The following ANKS1B variants were observed in gnomAD, a reference collection of about 807,000 sequenced individuals.
The protein encoded by ANKS1B is ankyrin repeat and sterile alpha motif domain-containing protein 1B.
ANKS1B carries 36 observed loss-of-function variants against 148.3 expected under a neutral mutation model. The observed-to-expected ratio is 0.24, with a 90% CI of 0.19 to 0.32. ANKS1B has a LOEUF of 0.32. Among genes scored for constraint, ANKS1B ranks in the 10% least tolerant of loss-of-function variants. The pLI, the probability that ANKS1B is intolerant of heterozygous loss-of-function variation, is 1.00. For synonymous variants in ANKS1B, 542 were observed against 560.8 expected (o/e 0.97, Z 0.47); for missense variants, 1,157 against 1,542.6 (o/e 0.75, Z 4.19).
intron 14 of ANKS1B, chr12:99,154,689 A>T: frequency 2.8e-6 from 4 of 1,436,970 alleles, no homozygotes; most frequent in Non-Finnish European, 3.6e-6. Context: ...CAGGCAGCAG[A>T]AGAAGGCATA....
At chr12:99,056,466 T>G (rs1475273080) in intron 16 of ANKS1B, among the ~76,000 whole-genome samples, 1 of 152,220 alleles carries the variant, frequency 6.6e-6, no homozygotes, top group Non-Finnish European at 1.5e-5. Context: ...CACAATAGCC[T>G]TCTACATGGT....
chr12:98,879,414 G>A (rs1596102843), intron 17 of ANKS1B, among the ~76,000 whole-genome samples: 1 of 152,218 alleles, frequency 6.6e-6, no homozygotes, highest in East Asian at 1.9e-4. Flanking sequence ...GTCATAGAGT[G>A]AGGATGTAAT....
chr12:98,929,033 A>T (rs532907171), intron 17 of ANKS1B, among the ~76,000 whole-genome samples: 2 of 146,890 alleles, frequency 1.4e-5, no homozygotes, highest in South Asian at 4.6e-4. Context: ...TTATATAGAA[A>T]ACCCTAATAC....
At chr12:98,955,941 A>C (rs74993882) in intron 17 of ANKS1B, among the ~76,000 whole-genome samples, 6 of 152,300 alleles carry the variant, frequency 3.9e-5, no homozygotes, top group Non-Finnish European at 7.3e-5. Context: ...CTTTTTGTCT[A>C]CTTCCTCATA....
chr12:98,995,326 C>T (rs766916441), intron 17 of ANKS1B, among the ~76,000 whole-genome samples: 1 of 152,130 alleles, frequency 6.6e-6, no homozygotes, highest in Non-Finnish European at 1.5e-5. Context: ...CATGGTGGTT[C>T]ACGCCTGTAA....
intron 9 of ANKS1B, among the ~76,000 whole-genome samples, chr12:99,525,416 T>G (rs2096917500): frequency 6.6e-6 from 1 of 152,232 alleles, no homozygotes; most frequent in East Asian, 1.9e-4. Context: ...ATAGACAGGT[T>G]ATCAATTTGA....
At chr12:99,760,459 C>T (rs10860516) in intron 8 of ANKS1B, among the ~76,000 whole-genome samples, 27,539 of 151,530 alleles carry the variant, frequency 0.18, 3,129 homozygotes, top group East Asian at 0.54. Context: ...GTTTTGGGTA[C>T]GCAATGAAAT....
In ANKS1B at chr12:99,327,768, GAAGAT is replaced by G. The variant is rs1190724682; in HGVS notation, c.1756+71858_1756+71862del. Among the ~76,000 whole-genome samples the G allele has an allele frequency of 5.3e-5, 8 of 150,994 alleles. No homozygotes were observed. In the Admixed American group the frequency reaches 5.3e-4, roughly 10 times the overall value. ...TTAGTAAAATTAATATCTTTTCATG[GAAGAT>G]AATTTAGAAAAGTATTAAAATGAAT... is the stretch of plus-strand genomic sequence containing the variant. On this transcript the variant is annotated intron_variant, in intron 12 of 26. Transcript: ENST00000683438.
chr12:98,847,315 C>T (rs76014361), intron 17 of ANKS1B, among the ~76,000 whole-genome samples: 3,067 of 152,234 alleles, frequency 0.02, 75 homozygotes, highest in East Asian at 0.089. Context: ...CCTGCTTTTA[C>T]GGGTTTAGCT....
At chr12:99,192,569 T>C (rs1029501421) in intron 14 of ANKS1B, among the ~76,000 whole-genome samples, 1 of 152,160 alleles carries the variant, frequency 6.6e-6, no homozygotes, top group African/African-American at 2.4e-5. Context: ...ATTTTAGAGA[T>C]ATAAAAGGGG....
intron 8 of ANKS1B, among the ~76,000 whole-genome samples, chr12:99,705,714 C>A (rs942363180): frequency 1.3e-5 from 2 of 151,934 alleles, no homozygotes; most frequent in African/African-American, 4.8e-5. Flanking sequence ...AGGAAAGAGG[C>A]AATAAAAATC....
intron 14 of ANKS1B, among the ~76,000 whole-genome samples, chr12:99,207,566 T>C (rs937161485): frequency 1.3e-5 from 2 of 152,104 alleles, no homozygotes; most frequent in Admixed American, 6.6e-5. Context: ...CTAGAAAGTA[T>C]AAAATTTGTA....
At chr12:98,872,304 C>T (rs149294806) in intron 17 of ANKS1B, among the ~76,000 whole-genome samples, 63 of 152,186 alleles carry the variant, frequency 4.1e-4, no homozygotes, top group African/African-American at 1.4e-3. Flanking sequence ...TTTGGGAGGC[C>T]GAGGAGGGCA....
intron 17 of ANKS1B, among the ~76,000 whole-genome samples, chr12:99,039,021 T>C (rs1434436860): frequency 6.6e-6 from 1 of 152,254 alleles, no homozygotes; most frequent in Non-Finnish European, 1.5e-5. Context: ...GCAGGAGCTC[T>C]GTTGGTTTTG....
chr12:99,283,409 A>G (rs530786480), intron 12 of ANKS1B, among the ~76,000 whole-genome samples: 2 of 152,304 alleles, frequency 1.3e-5, no homozygotes, highest in South Asian at 4.1e-4. Flanking sequence ...TTTCAGTGAT[A>G]GAGCTCACTG....
intron 17 of ANKS1B, among the ~76,000 whole-genome samples, chr12:98,924,354 A>G (rs917624884): frequency 2.0e-5 from 3 of 152,210 alleles, no homozygotes; most frequent in African/African-American, 4.8e-5. Flanking sequence ...AGTAAGGTAG[A>G]TAGTACAGGT....
intron 10 of ANKS1B, among the ~76,000 whole-genome samples, chr12:99,475,510 G>A (rs1360053347): frequency 2.6e-5 from 4 of 151,634 alleles, no homozygotes; most frequent in African/African-American, 9.7e-5. Context: ...TAAATGTCAT[G>A]TAAAATCTGA....
At chr12:99,601,675 G>A (rs747853889) in intron 9 of ANKS1B, among the ~76,000 whole-genome samples, 5 of 152,048 alleles carry the variant, frequency 3.3e-5, no homozygotes, top group Admixed American at 3.3e-4. Flanking sequence ...AGTTTTGCAT[G>A]ACACAATACC....
Position 99,718,382 on chromosome 12 carries a change from T to C in ANKS1B, c.1128+54540A>G, listed in dbSNP as rs186804170. ...CGTCCTCCTCTTGTATCCCCCCACC[T>C]TAACCCACAAGTATAAGATACCTCT... On this transcript the variant is annotated intron_variant, in intron 8 of 26. Coordinates refer to ENST00000683438, the MANE Select transcript of ANKS1B (RefSeq NM_001352186.2). Among the ~76,000 whole-genome samples the C allele has an allele frequency of 3.0e-3, 450 of 152,148 alleles. 16 individuals are homozygous for C. In the East Asian group the frequency reaches 0.075, roughly 25 times the overall value.
Sources: gnomAD v4.1 joint callset for allele counts (sites outside exome capture counted in the v4.1 genomes callset) on GRCh38, gnomAD v4.1.1 for gene constraint, MANE v1.5 for transcripts, NCBI Gene and HGNC (gene_info 2026-07-23, HGNC 2026-07-21) for gene names.